The following NCKAP5 variants were observed in gnomAD, a reference collection of about 807,000 sequenced individuals.
The protein encoded by NCKAP5 is NCK associated protein 5.
NCKAP5 carries 92 observed loss-of-function variants against 167.0 expected under a neutral mutation model. The ratio of observed to expected loss-of-function variants is 0.55; its 90% confidence interval spans 0.47 to 0.66. The LOEUF is 0.66. Ranked by LOEUF, NCKAP5 falls within the 30% of genes least tolerant of loss-of-function variation. NCKAP5 has a pLI of 0.00. For missense variants in NCKAP5, 2,378 were observed against 2,315.0 expected (o/e 1.03, Z -0.56); for synonymous variants, 891 against 877.4 (o/e 1.02, Z -0.27).
chr2:133,592,159 C>T, the NCKAP5 span, among the ~76,000 whole-genome samples: 1 of 152,076 alleles, frequency 6.6e-6, no homozygotes, highest in Non-Finnish European at 1.5e-5. Context: ...TAGAATTCTC[C>T]CAAACAATGC....
chr2:132,839,638 G>C (rs1688148648), intron 11 of NCKAP5, among the ~76,000 whole-genome samples: 1 of 151,446 alleles, frequency 6.6e-6, no homozygotes, highest in Admixed American at 6.6e-5. Context: ...GCATTTGCCT[G>C]TCCCAGATAC....
chr2:132,856,430 T>A (rs1014426452), intron 11 of NCKAP5, among the ~76,000 whole-genome samples: 1 of 152,166 alleles, frequency 6.6e-6, no homozygotes, highest in Non-Finnish European at 1.5e-5. Context: ...GTCCGCATTC[T>A]AAGAAGTAAC....
At chr2:133,594,144 A>G in the NCKAP5 span, among the ~76,000 whole-genome samples, 1 of 152,236 alleles carries the variant, frequency 6.6e-6, no homozygotes, top group African/African-American at 2.4e-5. Context: ...TGATGAGTCA[A>G]TGAAAGTGAT....
chr2:132,797,148 A>G (rs1185849123), intron 11 of NCKAP5, among the ~76,000 whole-genome samples: 1 of 152,248 alleles, frequency 6.6e-6, no homozygotes, highest in African/African-American at 2.4e-5. Flanking sequence ...GCAGATAATT[A>G]TAAAAGTGAC....
chr2:133,434,084 T>C (rs1260220263), intron 3 of NCKAP5, among the ~76,000 whole-genome samples: 2 of 152,198 alleles, frequency 1.3e-5, no homozygotes, highest in Non-Finnish European at 2.9e-5. Context: ...CAGACACTCA[T>C]TGCTTAAATA....
In NCKAP5 at chr2:132,809,243, C is replaced by T. The variant is rs145295137; in HGVS notation, c.808-12514G>A. Among the ~76,000 whole-genome samples, 1,298 of 152,130 alleles carry T rather than the reference C, an allele frequency of 8.5e-3. 16 individuals carry two copies. The highest frequency in any genetic ancestry group is 0.03 in the African/African-American group (1,227 of 41,512). On this transcript the variant is annotated intron_variant, in intron 11 of 19. Coordinates refer to ENST00000409261, the MANE Select transcript of NCKAP5 (RefSeq NM_207363.3). ...ACTATTGAATAGAATGTGTATTCTG[C>T]GGTTGTTGAATGAAATATTCTGTAT...
rs184027533 is a variant in NCKAP5 at position 133,240,461 on chromosome 2, C to T, written c.144-26682G>A. 3.9e-5 allele frequency among the ~76,000 whole-genome samples: 6 copies of T among 152,208 alleles called. No homozygotes were observed. In the East Asian group the frequency reaches 1.2e-3, roughly 29 times the overall value. The stretch of plus-strand genomic sequence containing the variant: ...CACCCTTGCATGCCCATCTCTGATG[C>T]CCCCCAAAGTAGCTGCATAACTGAT... On this transcript the variant is annotated intron_variant, in intron 4 of 19. Transcript: ENST00000409261.
intron 3 of NCKAP5, among the ~76,000 whole-genome samples, chr2:133,431,019 C>G (rs1456950815): frequency 6.6e-6 from 1 of 151,824 alleles, no homozygotes; most frequent in African/African-American, 2.4e-5. Context: ...AAAAGAAAGA[C>G]AGAGAGAGAG....
At chr2:132,845,122 A>G (rs1045343384) in intron 11 of NCKAP5, among the ~76,000 whole-genome samples, 2 of 152,058 alleles carry the variant, frequency 1.3e-5, no homozygotes, top group Admixed American at 6.6e-5. Context: ...TTAACTGTTA[A>G]CTGTTAACTG....
At chr2:132,939,897 G>T (rs1326276265) in intron 8 of NCKAP5, among the ~76,000 whole-genome samples, 2 of 152,128 alleles carry the variant, frequency 1.3e-5, no homozygotes, top group Non-Finnish European at 2.9e-5. Flanking sequence ...CTACTCAGGA[G>T]GCTGAGGCAG....
chr2:132,830,270 T>A lies in NCKAP5; in HGVS notation c.807+30222A>T, dbSNP rs147500739. ...AGAGCAGTAAAAGTTATCCAAAAAG[T>A]TCTTGTAAATAGGACTCTCAATTAT... is the stretch of plus-strand genomic sequence containing the variant. On this transcript the variant is annotated intron_variant, in intron 11 of 19. Transcript: ENST00000409261. Among the ~76,000 whole-genome samples the A allele has an allele frequency of 3.0e-3, 462 of 152,192 alleles. 2 individuals are homozygous for A. The highest frequency in any genetic ancestry group is 0.011 in the African/African-American group (440 of 41,528).
chr2:132,821,444 A>G (rs559732266), intron 11 of NCKAP5, among the ~76,000 whole-genome samples: 1 of 152,304 alleles, frequency 6.6e-6, no homozygotes, highest in East Asian at 1.9e-4. Flanking sequence ...GCCCTCTGGG[A>G]AGACAGCCAG....
the NCKAP5 span, among the ~76,000 whole-genome samples, chr2:133,653,844 G>C: frequency 6.6e-6 from 1 of 152,162 alleles, no homozygotes; most frequent in South Asian, 2.1e-4. Flanking sequence ...GAAATCAAAA[G>C]ATCATAGACT....
chr2:133,038,314 G>C (rs2079102078), intron 6 of NCKAP5, among the ~76,000 whole-genome samples: 1 of 152,156 alleles, frequency 6.6e-6, no homozygotes, highest in African/African-American at 2.4e-5. Flanking sequence ...CCAGTCATTT[G>C]CAACAACGTG....
intron 3 of NCKAP5, among the ~76,000 whole-genome samples, chr2:133,485,225 C>G (rs1399216237): frequency 2.0e-5 from 3 of 152,124 alleles, no homozygotes; most frequent in Non-Finnish European, 4.4e-5. Flanking sequence ...ACGTTTATAT[C>G]TTTTCTGCAA....
At chr2:133,395,817 A>T (rs956441380) in intron 3 of NCKAP5, among the ~76,000 whole-genome samples, 2 of 151,552 alleles carry the variant, frequency 1.3e-5, no homozygotes, top group Non-Finnish European at 2.9e-5. Context: ...CTATTTTTTA[A>T]ATTTTTTTTG....
rs1337252780 is a variant in NCKAP5 at position 133,108,680 on chromosome 2, C to A, written c.341+21298G>T. 2.0e-5 allele frequency among the ~76,000 whole-genome samples: 3 copies of A among 152,350 alleles called. No homozygotes were observed. The East Asian group carries it at 5.8e-4, about 29-fold the overall frequency. ...ATGAGTGAAACTTCGTACCCTTTGA[C>A]AAACAGCTCTCCCTTTCTCTCACTC... On this transcript the variant is annotated intron_variant, in intron 6 of 19. Coordinates refer to ENST00000409261, the MANE Select transcript of NCKAP5 (RefSeq NM_207363.3).
intron 8 of NCKAP5, chr2:132,954,889 A>C (rs2149165119): frequency 3.1e-6 from 1 of 320,370 alleles, no homozygotes. Context: ...TTTTCTAAAA[A>C]CTTCAAGCCC....
At chr2:133,005,029 C>T (rs1267616323) in intron 6 of NCKAP5, among the ~76,000 whole-genome samples, 1 of 152,202 alleles carries the variant, frequency 6.6e-6, no homozygotes, top group African/African-American at 2.4e-5. Context: ...CCCTGAAAAT[C>T]ACTGTTATCC....
Sources: gnomAD v4.1 joint callset for allele counts (sites outside exome capture counted in the v4.1 genomes callset) on GRCh38, gnomAD v4.1.1 for gene constraint, MANE v1.5 for transcripts, NCBI Gene and HGNC (gene_info 2026-07-23, HGNC 2026-07-21) for gene names.